SCN10A: variants seen among roughly 807,000 people sequenced by gnomAD.
The protein encoded by SCN10A is sodium voltage-gated channel alpha subunit 10, also known as sodium channel protein type 10 subunit alpha.
A neutral mutation model predicts 170.7 loss-of-function variants in SCN10A; 162 were observed. That is an observed-to-expected ratio of 0.95 (90% CI 0.84 to 1.08). The LOEUF (loss-of-function observed/expected upper bound fraction) is 1.08. Among genes scored for constraint, SCN10A ranks in the 50% least tolerant of loss-of-function variants. The pLI, the probability that SCN10A is intolerant of heterozygous loss-of-function variation, is 0.00. For missense variants in SCN10A, 2,527 were observed against 2,436.9 expected, an observed-to-expected ratio of 1.04 and a Z score of -0.78; for synonymous variants, 985 against 904.6, an observed-to-expected ratio of 1.09 and a Z score of -1.59.
rs748536445 is a variant in SCN10A, at chr3:38,701,924, G to A, written c.4572C>T (p.Val1524=). ...ACTGCCTCAAAGCGAACATCTTCAT[G>A]ACACATTCGCCTGTGAAGACGGCCA... is the stretch of plus-strand genomic sequence containing the variant. The part of the protein sequence containing the change: ...FFVAVFTGEC[V]MKMFALRQYY... The change falls in exon 27 of 28, where the codon GTC becomes GTT. Residue 1524 remains valine (V), a synonymous_variant. Coordinates refer to ENST00000449082, the MANE Select transcript of SCN10A (RefSeq NM_006514.4). 2.5e-5 allele frequency: 40 copies of A among 1,614,046 alleles called. No individual in the cohort carries two copies. Among genetic ancestry groups the A allele is most frequent in the Non-Finnish European group, 8.5e-7 (1 of 1,180,016 alleles).
intron 18 of SCN10A, 88 bp from the exon 19 acceptor site, chr3:38,723,641 A>G (rs1283508238): frequency 1.4e-6 from 2 of 1,453,842 alleles, no homozygotes; most frequent in Non-Finnish European, 1.9e-6. Flanking sequence ...AACTGCACCC[A>G]TGTTTGGTGC....
chr3:38,763,662 T>C, intron 5 of SCN10A, 66 bp from the exon 6 acceptor site: 1 of 1,190,856 alleles, frequency 8.4e-7, no homozygotes, highest in Non-Finnish European at 1.3e-6. Context: ...GCAGCATAAA[T>C]AAGGATAACC....
In SCN10A at chr3:38,702,103, A is replaced by G. The variant is rs766078662; in HGVS notation, c.4393T>C (p.Phe1465Leu). Residue 1465 changes from phenylalanine (F) to leucine (L), a missense_variant, in exon 27 of 28, where the codon TTC becomes CTC. Physicochemically the swap from Phe to Leu is conservative, Grantham distance 22. Transcript: ENST00000449082. ...ACGATGTCAAAGACAAAACCCTGGA[A>G]CTTGTTCTGAGAAAACAAGAGATAG... The part of the protein sequence containing the change: ...QKPIPRPLNK[F>L]QGFVFDIVTR... 1.9e-6 allele frequency: 3 copies of G among 1,545,408 alleles called. No homozygotes were observed. The highest frequency in any genetic ancestry group is 2.0e-5 in the Admixed American group (1 of 49,634).
At chr3:38,783,558 A>G (rs1051904935) in intron 4 of SCN10A, among the ~76,000 whole-genome samples, 5 of 152,114 alleles carry the variant, frequency 3.3e-5, no homozygotes, top group African/African-American at 1.2e-4. Context: ...TTATTGCTGT[A>G]AGTTTTCTCA....
intron 21 of SCN10A, among the ~76,000 whole-genome samples, chr3:38,717,880 A>G (rs2063349047): frequency 6.6e-6 from 1 of 152,260 alleles, no homozygotes; most frequent in Non-Finnish European, 1.5e-5. Flanking sequence ...CTAGACAGTG[A>G]TAGTGCAATG....
In SCN10A at chr3:38,807,915, C is replaced by T. The variant is rs540791690; in HGVS notation, c.-33+8122G>A. Reference sequence around the variant, plus strand: ...TATCTGGTCTCTTACCAGAGACTTGCTCATTAACTGGTCTCTCCCATATTC... The same window carrying T: ...TATCTGGTCTCTTACCAGAGACTTGTTCATTAACTGGTCTCTCCCATATTC... On this transcript the variant is annotated intron_variant, in intron 1 of 27. Transcript: ENST00000449082. Among the ~76,000 whole-genome samples, 5 of 152,284 alleles carry T rather than the reference C, an allele frequency of 3.3e-5. No homozygotes were observed. The South Asian group carries it at 8.3e-4, about 25-fold the overall frequency.
chr3:38,800,464 G>A (rs1359190868), intron 1 of SCN10A, among the ~76,000 whole-genome samples: 2 of 152,166 alleles, frequency 1.3e-5, no homozygotes, highest in Non-Finnish European at 2.9e-5. Context: ...CAACTGTGAG[G>A]TGAAACAGGA....
chr3:38,736,949 T>C (rs926725491), intron 15 of SCN10A, among the ~76,000 whole-genome samples: 2 of 143,376 alleles, frequency 1.4e-5, no homozygotes, highest in Non-Finnish European at 3.0e-5. Context: ...TCCCCAAGTG[T>C]AGCAGAAATG....
intron 4 of SCN10A, among the ~76,000 whole-genome samples, chr3:38,773,591 T>C (rs1176581615): frequency 6.6e-6 from 1 of 152,036 alleles, no homozygotes; most frequent in Non-Finnish European, 1.5e-5. Flanking sequence ...TAGGGATAAA[T>C]AGAAAACTGA....
intron 14 of SCN10A, 104 bp downstream of exon 14, chr3:38,742,187 C>T (rs1000070351): frequency 8.5e-5 from 66 of 774,490 alleles, no homozygotes; most frequent in Middle Eastern, 3.6e-4. Flanking sequence ...GCTCAACACA[C>T]TAACCAATAA....
intron 13 of SCN10A, among the ~76,000 whole-genome samples, chr3:38,746,993 A>G (rs7430323): frequency 0.17 from 26,518 of 152,142 alleles, 3,437 homozygotes; most frequent in East Asian, 0.39. Context: ...GGTGGCCTTT[A>G]TAAATCCTAT....
chr3:38,782,633 A>G (rs1045325236), intron 4 of SCN10A, among the ~76,000 whole-genome samples: 9 of 151,990 alleles, frequency 5.9e-5, no homozygotes, highest in African/African-American at 2.2e-4. Flanking sequence ...TTACATTAAA[A>G]CTCCAAAAGA....
intron 23 of SCN10A, 21 bp from the exon 24 acceptor site, chr3:38,710,918 C>A (rs369935924): frequency 1.2e-6 from 2 of 1,609,608 alleles, no homozygotes; most frequent in African/African-American, 2.7e-5. Flanking sequence ...GGAGCAGAGG[C>A]CACTCAGTGT....
chr3:38,809,300 A>G (rs979490339), intron 1 of SCN10A, among the ~76,000 whole-genome samples: 1 of 152,150 alleles, frequency 6.6e-6, no homozygotes, highest in South Asian at 2.1e-4. Context: ...TTTGTTCTTG[A>G]CTTCCTAGAA....
In SCN10A at chr3:38,752,043, A is replaced by C. The variant is rs547298150; in HGVS notation, c.1755+176T>G. ...AACCTGTTTGACCTCAGGCCAACTC[A>C]ATCTCTCTCTCTCTCTGGGTCTCAT... On this transcript the variant is annotated intron_variant, in intron 12 of 27. Transcript: ENST00000449082. Among the ~76,000 whole-genome samples the C allele has an allele frequency of 2.0e-5, 3 of 152,188 alleles. No homozygotes were observed. In the East Asian group the frequency reaches 5.8e-4, roughly 29 times the overall value.
chr3:38,775,102 A>T (rs532852883), intron 4 of SCN10A, among the ~76,000 whole-genome samples: 6 of 152,256 alleles, frequency 3.9e-5, no homozygotes, highest in African/African-American at 1.4e-4. Flanking sequence ...TATACATAAC[A>T]TAAAATTTAC....
At chr3:38,801,159 T>C (rs148506235) in intron 1 of SCN10A, among the ~76,000 whole-genome samples, 49 of 152,180 alleles carry the variant, frequency 3.2e-4, no homozygotes, top group African/African-American at 1.1e-3. Context: ...GATGTTTCTC[T>C]GATTACACAA....
intron 14 of SCN10A, among the ~76,000 whole-genome samples, chr3:38,740,264 G>T (rs934913186): frequency 6.6e-6 from 1 of 152,202 alleles, no homozygotes; most frequent in African/African-American, 2.4e-5. Context: ...TAGGCTCTGT[G>T]TGTCTCTAAT....
intron 21 of SCN10A, among the ~76,000 whole-genome samples, chr3:38,717,114 G>A (rs1407928621): frequency 6.6e-6 from 1 of 152,180 alleles, no homozygotes; most frequent in Admixed American, 6.5e-5. Context: ...AAGGGTTAAG[G>A]ATGATGAATA....
Sources: allele counts gnomAD v4.1 joint callset (sites outside exome capture counted in the v4.1 genomes callset), GRCh38; gene constraint gnomAD v4.1.1; transcripts MANE v1.5; gene names NCBI Gene and HGNC (gene_info 2026-07-23, HGNC 2026-07-21).